Variants in FER observed in about 807,000 individuals in gnomAD.
FER encodes the protein FER tyrosine kinase, also known as tyrosine-protein kinase Fer.
A neutral mutation model predicts 111.0 loss-of-function variants in FER; 63 were observed. The observed-to-expected ratio is 0.57, with a 90% CI of 0.46 to 0.70. The LOEUF is 0.70. FER is among the 30% of genes least tolerant of loss of function. The probability of loss-of-function intolerance (pLI) is 0.00; values close to 1 mark genes in which losing one functional copy is unlikely to be tolerated. For synonymous variants in FER, 327 were observed against 313.9 expected (o/e 1.04, Z -0.44); for missense variants, 914 against 954.0 (o/e 0.96, Z 0.55).
rs73215523 is a variant in FER, at chr5:109,156,448, G to A, written c.2049-24299G>A. Reference sequence around the variant, plus strand: ...ATAAATTTTAGGTAGCTGTAGGATAGCAAACTAGAGCTATCTGGAGGCACC... The same window carrying A: ...ATAAATTTTAGGTAGCTGTAGGATAACAAACTAGAGCTATCTGGAGGCACC... On this transcript the variant is annotated intron_variant, in intron 17 of 19. Transcript: ENST00000281092. Among the ~76,000 whole-genome samples the A allele has an allele frequency of 2.0e-3, 311 of 152,124 alleles. 3 individuals carry two copies. The highest frequency in any genetic ancestry group is 7.2e-3 in the African/African-American group (300 of 41,532).
rs1013987961 is a variant in FER at position 108,861,584 on chromosome 5, AAAG to A, written c.482-6182_482-6180del. 9.2e-5 allele frequency among the ~76,000 whole-genome samples: 14 copies of A among 152,274 alleles called. 1 individual carries two copies. The highest frequency in any genetic ancestry group is 2.0e-4 in the Admixed American group (3 of 15,300). ...GTCATCATTTAAAGAAAAAAGAAAA[AAAG>A]CACACAAAACAAAGATAGGATACTG... On this transcript the variant is annotated intron_variant, in intron 5 of 19. Transcript: ENST00000281092.
In FER at chr5:109,195,339, A is replaced by T. The variant is rs945528758; in HGVS notation, c.*7764A>T. ...CAGTAACAATCAGAAGACCAGTCCA[A>T]CAGAAAATAACTTGTCATAATTCCA... is the stretch of plus-strand genomic sequence containing the variant. On this transcript the variant is annotated 3_prime_UTR_variant, in exon 20 of 20. Transcript: ENST00000281092. 4.6e-5 allele frequency: 7 copies of T among 152,204 alleles called. No homozygotes were observed. The highest frequency in any genetic ancestry group is 1.7e-4 in the African/African-American group (7 of 41,454). The allele number at this position is 152,204 out of a possible 1,614,324, so 9.4% of individuals were successfully genotyped here.
chr5:108,873,002 C>G (rs935984245), intron 8 of FER, among the ~76,000 whole-genome samples: 1 of 152,120 alleles, frequency 6.6e-6, no homozygotes, highest in African/African-American at 2.4e-5. Flanking sequence ...ATGACTCAGC[C>G]AAATGTCCCC....
At chr5:108,873,844 T>A (rs1764844140) in intron 8 of FER, among the ~76,000 whole-genome samples, 1 of 152,078 alleles carries the variant, frequency 6.6e-6, no homozygotes, top group Non-Finnish European at 1.5e-5. Flanking sequence ...CAAAGAATTA[T>A]CTGGTGAAAA....
At chr5:108,863,260 C>T (rs920380339) in intron 5 of FER, among the ~76,000 whole-genome samples, 6 of 152,116 alleles carry the variant, frequency 3.9e-5, no homozygotes, top group Non-Finnish European at 8.8e-5. Flanking sequence ...GCTGGGACCA[C>T]AGGCATGCAC....
intron 16 of FER, among the ~76,000 whole-genome samples, chr5:109,068,025 A>AT (rs954381051): frequency 1.3e-5 from 2 of 151,904 alleles, no homozygotes; most frequent in African/African-American, 4.8e-5. Context: ...GTCAGAAAGT[A>AT]TTTTTTTTCT....
intron 1 of FER, among the ~76,000 whole-genome samples, chr5:108,757,655 C>T (rs959264412): frequency 2.0e-5 from 3 of 152,140 alleles, no homozygotes; most frequent in Non-Finnish European, 4.4e-5. Context: ...AGGAATCTTA[C>T]GTTCATAAAT....
At chr5:109,024,482 G>T (rs79867000) in intron 13 of FER, among the ~76,000 whole-genome samples, 14 of 152,224 alleles carry the variant, frequency 9.2e-5, no homozygotes, top group African/African-American at 3.4e-4. Context: ...CTCACAGGCA[G>T]GTCTCCTTTT....
At chr5:109,123,124 G>T (rs907082645) in intron 17 of FER, among the ~76,000 whole-genome samples, 1 of 147,476 alleles carries the variant, frequency 6.8e-6, no homozygotes, top group African/African-American at 2.5e-5. Context: ...TGGTTGTTTT[G>T]TGGTCCCCTC....
At chr5:108,982,356 C>G (rs1005541734) in intron 13 of FER, among the ~76,000 whole-genome samples, 5 of 151,970 alleles carry the variant, frequency 3.3e-5, no homozygotes, top group Admixed American at 3.3e-4. Flanking sequence ...TGCATTCTAC[C>G]TTTGGTAATA....
intron 13 of FER, among the ~76,000 whole-genome samples, chr5:108,989,274 T>C (rs1442720646): frequency 2.0e-5 from 3 of 152,048 alleles, no homozygotes; most frequent in Admixed American, 1.3e-4. Flanking sequence ...ATTATGGGAG[T>C]GCATGAAGAT....
intron 17 of FER, among the ~76,000 whole-genome samples, chr5:109,122,080 A>ATC (rs1477737878): frequency 6.6e-6 from 1 of 151,590 alleles, no homozygotes; most frequent in African/African-American, 2.4e-5. Flanking sequence ...AATTTCATTT[A>ATC]TCTTCCCTTG....
At chr5:109,160,475 C>G (rs1380708033) in intron 17 of FER, among the ~76,000 whole-genome samples, 1 of 152,120 alleles carries the variant, frequency 6.6e-6, no homozygotes, top group Non-Finnish European at 1.5e-5. Flanking sequence ...AATTCCTGTT[C>G]TGGAAGCATC....
At chr5:109,103,934 G>T (rs1005023363) in intron 17 of FER, among the ~76,000 whole-genome samples, 3 of 152,126 alleles carry the variant, frequency 2.0e-5, no homozygotes, top group Non-Finnish European at 4.4e-5. Context: ...TTGTGCCATT[G>T]TTCTTTGATA....
At chr5:109,018,389 T>C (rs572277406) in intron 13 of FER, among the ~76,000 whole-genome samples, 1 of 151,998 alleles carries the variant, frequency 6.6e-6, no homozygotes, top group African/African-American at 2.4e-5. Context: ...GAAGTTAAAA[T>C]AATTGATATC....
intron 17 of FER, among the ~76,000 whole-genome samples, chr5:109,141,404 C>T (rs1384309521): frequency 6.6e-6 from 1 of 152,154 alleles, no homozygotes; most frequent in Admixed American, 6.6e-5. Flanking sequence ...ACTGAAAAGC[C>T]ACAGGTGGTA....
chr5:108,898,985 C>T (rs770536433), intron 10 of FER, among the ~76,000 whole-genome samples: 6 of 149,792 alleles, frequency 4.0e-5, no homozygotes, highest in Non-Finnish European at 8.8e-5. Context: ...GGGTAACTTA[C>T]AGAACTATTA....
chr5:108,845,041 C>CATATATATATATATATATATACAT (rs1761849397), intron 5 of FER, among the ~76,000 whole-genome samples: 5 of 46,416 alleles, frequency 1.1e-4, no homozygotes, highest in South Asian at 1.0e-3. Flanking sequence ...TATATATATA[C>CATATATATATATATATATATACAT]ATATATATAT....
chr5:108,999,424 C>G (rs1265614522), intron 13 of FER, among the ~76,000 whole-genome samples: 1 of 152,046 alleles, frequency 6.6e-6, no homozygotes, highest in African/African-American at 2.4e-5. Flanking sequence ...GGATGTAACA[C>G]AATTCATACA....
Sources: allele counts gnomAD v4.1 joint callset (sites outside exome capture counted in the v4.1 genomes callset), GRCh38; gene constraint gnomAD v4.1.1; transcripts MANE v1.5; gene names NCBI Gene and HGNC (gene_info 2026-07-23, HGNC 2026-07-21).